The following TM9SF4 variants were observed in gnomAD, a reference collection of about 807,000 sequenced individuals.
The protein encoded by TM9SF4 is transmembrane 9 superfamily member 4, also known as dinucleotide oxidase disulfide thiol exchanger 3 superfamily member 4.
In TM9SF4, 26 loss-of-function variants were observed where a neutral mutation model predicts 90.4. The ratio of observed to expected loss-of-function variants is 0.29; its 90% confidence interval spans 0.21 to 0.40. The LOEUF (loss-of-function observed/expected upper bound fraction) is 0.40, where lower values mean the gene tolerates loss of function less well. Ranked by LOEUF, TM9SF4 falls within the 10% of genes least tolerant of loss-of-function variation. TM9SF4 has a pLI of 1.00. For synonymous variants in TM9SF4, 293 were observed against 315.4 expected, an observed-to-expected ratio of 0.93 and a Z score of 0.75; for missense variants, 549 against 834.8, an observed-to-expected ratio of 0.66 and a Z score of 4.22.
intron 13 of TM9SF4, among the ~76,000 whole-genome samples, chr20:32,156,802 T>C (rs1018799970): frequency 6.6e-6 from 1 of 152,082 alleles, no homozygotes; most frequent in African/African-American, 2.4e-5. Context: ...AGATACAGTC[T>C]CACTGTGTTG....
At chr20:32,131,749 G>A (rs1010490674) in intron 1 of TM9SF4, among the ~76,000 whole-genome samples, 2 of 152,128 alleles carry the variant, frequency 1.3e-5, no homozygotes, top group African/African-American at 2.4e-5. Flanking sequence ...AAGAGAATCC[G>A]GCAGCTTTTC....
chr20:32,155,106 G>A lies in TM9SF4; in HGVS notation c.1249G>A (p.Ala417Thr), dbSNP rs143177160. Reference protein sequence around the residue: ...HRWKKGAFCTATLYPGVVFGI... With the variant: ...HRWKKGAFCTTTLYPGVVFGI... ...AACCCGGCCCCTCTTGCTCCAGACG[G>A]CAACTCTGTACCCTGGTGTGGTTTT... is the stretch of plus-strand genomic sequence containing the variant. The change falls in exon 13 of 18, where the codon GCA becomes ACA. Residue 417 changes from alanine to threonine, a missense_variant. Transcript: ENST00000398022. The A allele has an allele frequency of 6.2e-7, 1 of 1,613,960 alleles. No homozygotes were observed. The highest frequency in any genetic ancestry group is 1.3e-5 in the African/African-American group (1 of 74,898).
intron 1 of TM9SF4, among the ~76,000 whole-genome samples, chr20:32,126,166 C>CTA (rs1308947652): frequency 5.3e-5 from 8 of 151,174 alleles, no homozygotes; most frequent in African/African-American, 1.7e-4. Context: ...ACTTAAAATT[C>CTA]CTGAGTCTCC....
At chr20:32,163,268 A>ATAAATATAT (rs1262014914) in intron 17 of TM9SF4, among the ~76,000 whole-genome samples, 1 of 74,498 alleles carries the variant, frequency 1.3e-5, no homozygotes, top group African/African-American at 5.9e-5. Flanking sequence ...AAAAAAAAAA[A>ATAAATATAT]ATATATATAT....
At position 32,130,213 on chromosome 20, in the gene TM9SF4, G is replaced by A. The variant is rs966633165; in HGVS notation, c.16-2800G>A. Among the ~76,000 whole-genome samples, 3 of 152,158 alleles carry A rather than the reference G, an allele frequency of 2.0e-5. No homozygotes were observed. In the East Asian group the frequency reaches 5.8e-4, roughly 29 times the overall value. On this transcript the variant is annotated intron_variant, in intron 1 of 17. Transcript: ENST00000398022. ...TTCAGTATTATATTCAAAGATTCTA[G>A]CATATTACGAAAATATCCTTTGCTG...
intron 1 of TM9SF4, among the ~76,000 whole-genome samples, chr20:32,127,289 A>G (rs949551952): frequency 6.6e-6 from 1 of 152,216 alleles, no homozygotes; most frequent in East Asian, 1.9e-4. Context: ...TGTTATGAAC[A>G]TCATCGTTAC....
At chr20:32,163,268 A>AAAATAT (rs1555886757) in intron 17 of TM9SF4, among the ~76,000 whole-genome samples, 18 of 74,480 alleles carry the variant, frequency 2.4e-4, no homozygotes, top group Non-Finnish European at 4.2e-4. Flanking sequence ...AAAAAAAAAA[A>AAAATAT]ATATATATAT....
At chr20:32,133,829 C>T (rs972276800) in intron 2 of TM9SF4, among the ~76,000 whole-genome samples, 5 of 152,136 alleles carry the variant, frequency 3.3e-5, no homozygotes, top group African/African-American at 9.7e-5. Flanking sequence ...TTAGAGGAGA[C>T]GTGGTCTTTC....
intron 1 of TM9SF4, among the ~76,000 whole-genome samples, chr20:32,129,099 CTAAA>C (rs751582607): frequency 1.4e-5 from 2 of 147,682 alleles, no homozygotes; most frequent in African/African-American, 5.2e-5. Context: ...ATTTTGCCTC[CTAAA>C]TATTTTTCCA....
Position 32,160,009 on chromosome 20 carries a change from G to GA in TM9SF4, c.1587_1588insA (p.Phe530IlefsTer63), listed in dbSNP as rs756754732. 1 of 1,614,250 alleles carries GA rather than the reference G, an allele frequency of 6.2e-7. No homozygotes were observed. The highest frequency in any genetic ancestry group is 8.5e-7 in the Non-Finnish European group (1 of 1,180,048). On this transcript the variant is annotated frameshift_variant, in exon 16 of 18. Coordinates refer to ENST00000398022, the MANE Select transcript of TM9SF4 (RefSeq NM_014742.4). LOFTEE classifies it high-confidence loss of function. ...GTCCACAGGCTATCTGGGAGAATCA[G>GA]TTCTATTACCTCTTTGGCTTCCTGT... is the stretch of plus-strand genomic sequence containing the variant.
At chr20:32,115,854 C>T (rs944839137) in intron 1 of TM9SF4, among the ~76,000 whole-genome samples, 3 of 126,004 alleles carry the variant, frequency 2.4e-5, no homozygotes, top group Admixed American at 9.7e-5. Flanking sequence ...CACTCTGTCG[C>T]CCAGGGTGGA....
intron 1 of TM9SF4, among the ~76,000 whole-genome samples, chr20:32,128,611 A>G (rs770779123): frequency 6.6e-6 from 1 of 152,192 alleles, no homozygotes; most frequent in Middle Eastern, 3.4e-3. Context: ...CTCCAATGTT[A>G]TTATTCCACA....
chr20:32,156,436 A>T (rs1351870668), intron 13 of TM9SF4, among the ~76,000 whole-genome samples: 3 of 152,224 alleles, frequency 2.0e-5, no homozygotes, highest in Admixed American at 6.5e-5. Flanking sequence ...ACCCCTGAAG[A>T]TACCAAAATT....
In TM9SF4 at chr20:32,149,716, C is replaced by G. The variant is rs1023927898; in HGVS notation, c.1037C>G (p.Ser346Cys). The G allele has an allele frequency of 2.5e-6, 4 of 1,614,232 alleles. No homozygotes were observed. The highest frequency in any genetic ancestry group is 1.3e-5 in the African/African-American group (1 of 75,060). The change falls in exon 10 of 18, where the codon TCC (serine) becomes TGC (cysteine). Residue 346 changes from serine to cysteine, a missense_variant. Ser to Cys is a moderately radical substitution (Grantham distance 112). Coordinates refer to ENST00000398022, the MANE Select transcript of TM9SF4 (RefSeq NM_014742.4). ...CCCCAGTACCCCATGATCCTCAGCT[C>G]CCTGCTGGGCTCAGGCATTCAGCTG... ...RPPQYPMILS[S>C]LLGSGIQLFC...
intron 9 of TM9SF4, 125 bp downstream of exon 9, chr20:32,146,980 T>TA: frequency 1.0e-5 from 9 of 877,906 alleles, no homozygotes; most frequent in Non-Finnish European, 1.5e-5. Flanking sequence ...CAGTTTAGTA[T>TA]ACTTTTTTTT....
At chr20:32,163,978 A>C (rs949751210) in intron 17 of TM9SF4, among the ~76,000 whole-genome samples, 1 of 152,146 alleles carries the variant, frequency 6.6e-6, no homozygotes, top group African/African-American at 2.4e-5. Flanking sequence ...AACATCTGGA[A>C]TATGGAAGAC....
chr20:32,162,356 G>T (rs1300046378), intron 17 of TM9SF4, among the ~76,000 whole-genome samples: 2 of 152,204 alleles, frequency 1.3e-5, no homozygotes, highest in African/African-American at 4.8e-5. Context: ...CCTCCAGTCT[G>T]GTGACTGTGC....
At chr20:32,149,105 T>C (rs2046805027) in intron 9 of TM9SF4, among the ~76,000 whole-genome samples, 1 of 152,260 alleles carries the variant, frequency 6.6e-6, no homozygotes, top group Admixed American at 6.5e-5. Context: ...TACACATATA[T>C]ACATAAAAGG....
At chr20:32,112,752 C>T (rs376275758) in intron 1 of TM9SF4, among the ~76,000 whole-genome samples, 17 of 150,780 alleles carry the variant, frequency 1.1e-4, no homozygotes, top group Admixed American at 4.0e-4. Flanking sequence ...CCTGCAAGTA[C>T]GGTGATTTAG....
Sources: allele counts gnomAD v4.1 joint callset (sites outside exome capture counted in the v4.1 genomes callset), GRCh38; gene constraint gnomAD v4.1.1; transcripts MANE v1.5; gene names NCBI Gene and HGNC (gene_info 2026-07-23, HGNC 2026-07-21).